The following PATJ variants were observed in gnomAD, a reference collection of about 807,000 sequenced individuals.
PATJ encodes PATJ crumbs cell polarity complex component.
PATJ carries 190 observed loss-of-function variants against 224.9 expected under a neutral mutation model. The ratio of observed to expected loss-of-function variants is 0.84; its 90% CI spans 0.75 to 0.95. The LOEUF (loss-of-function observed/expected upper bound fraction) is 0.95. PATJ is among the 40% of genes least tolerant of loss of function. The probability of loss-of-function intolerance (pLI) is 0.00; values close to 1 mark genes in which losing one functional copy is unlikely to be tolerated. For missense variants in PATJ, 2,121 were observed against 2,270.3 expected (o/e 0.93, Z 1.34); for synonymous variants, 769 against 820.3 (o/e 0.94, Z 1.07).
At chr1:61,748,330 C>T (rs1470876724) in intron 1 of PATJ, among the ~76,000 whole-genome samples, 4 of 136,894 alleles carry the variant, frequency 2.9e-5, no homozygotes, top group African/African-American at 1.1e-4. Context: ...TCTCCGCTCA[C>T]TCCAACCTCT....
intron 27 of PATJ, among the ~76,000 whole-genome samples, chr1:61,963,250 A>G (rs1002869658): frequency 6.6e-6 from 1 of 152,198 alleles, no homozygotes; most frequent in Non-Finnish European, 1.5e-5. Context: ...CGTATTTTGT[A>G]TATGTGTTAT....
chr1:61,875,220 T>C (rs1667191757), intron 20 of PATJ, 23 bp from the exon 21 acceptor site: 4 of 1,506,618 alleles, frequency 2.7e-6, no homozygotes, highest in Non-Finnish European at 3.7e-6. Context: ...TACTAATGCA[T>C]TTCTATTTTT....
chr1:62,107,291 G>T (rs1464252339), intron 33 of PATJ, among the ~76,000 whole-genome samples: 11 of 149,788 alleles, frequency 7.3e-5, no homozygotes, highest in Non-Finnish European at 1.5e-4. Flanking sequence ...GGGCGACAGA[G>T]TGAGAGTCCA....
chr1:62,042,651 T>A (rs1651735191), intron 30 of PATJ, among the ~76,000 whole-genome samples: 1 of 151,728 alleles, frequency 6.6e-6, no homozygotes, highest in Non-Finnish European at 1.5e-5. Context: ...TATTGAGCTA[T>A]TTTTTTAAAA....
intron 14 of PATJ, among the ~76,000 whole-genome samples, chr1:61,814,890 A>G (rs1655789769): frequency 6.6e-6 from 1 of 152,188 alleles, no homozygotes; most frequent in Non-Finnish European, 1.5e-5. Flanking sequence ...GTAGCTTAGA[A>G]TGCATTCATC....
At chr1:61,859,744 C>T (rs892933732) in intron 18 of PATJ, among the ~76,000 whole-genome samples, 6 of 152,086 alleles carry the variant, frequency 3.9e-5, no homozygotes, top group South Asian at 2.1e-4. Flanking sequence ...CTCAGCCTCC[C>T]GAGTAGCTGA....
intron 28 of PATJ, among the ~76,000 whole-genome samples, chr1:62,003,581 C>T (rs1645917613): frequency 6.6e-6 from 1 of 152,218 alleles, no homozygotes; most frequent in Admixed American, 6.5e-5. Context: ...AAACTGAGTC[C>T]TTGAAACCTG....
intron 41 of PATJ, among the ~76,000 whole-genome samples, chr1:62,147,887 C>T (rs919867616): frequency 3.3e-5 from 5 of 151,482 alleles, no homozygotes; most frequent in Non-Finnish European, 4.4e-5. Context: ...CATTTGAACC[C>T]GGGAGGCAGA....
At chr1:61,959,425 A>ATATATATTTT (rs1557944860) in intron 27 of PATJ, among the ~76,000 whole-genome samples, 1 of 61,152 alleles carries the variant, frequency 1.6e-5, no homozygotes, top group African/African-American at 6.7e-5. Flanking sequence ...TATATAATAT[A>ATATATATTTT]TTTTTTTTCT....
At chr1:61,764,871 A>G (rs1328136600) in intron 3 of PATJ, among the ~76,000 whole-genome samples, 2 of 152,084 alleles carry the variant, frequency 1.3e-5, no homozygotes, top group Non-Finnish European at 2.9e-5. Context: ...GTAGCAACTG[A>G]AATTGGCAAA....
intron 27 of PATJ, among the ~76,000 whole-genome samples, chr1:61,986,355 G>A (rs902444020): frequency 4.6e-5 from 7 of 152,000 alleles, no homozygotes; most frequent in Admixed American, 2.6e-4. Context: ...GTTGATGTAC[G>A]GTCCATAATT....
At chr1:61,833,866 C>A in intron 17 of PATJ, 81 bp downstream of exon 17, 1 of 1,310,074 alleles carries the variant, frequency 7.6e-7, no homozygotes, top group Non-Finnish European at 1.0e-6. Context: ...TTGTTTAAGA[C>A]CCCTATTGAC....
At chr1:61,802,050 T>C (rs1471941967) in intron 12 of PATJ, among the ~76,000 whole-genome samples, 3 of 152,052 alleles carry the variant, frequency 2.0e-5, no homozygotes, top group African/African-American at 7.2e-5. Flanking sequence ...ACTCATCATT[T>C]ACATTAGGTA....
intron 17 of PATJ, among the ~76,000 whole-genome samples, chr1:61,838,521 ATT>A (rs34877280): frequency 1.0e-4 from 12 of 115,548 alleles, no homozygotes; most frequent in East Asian, 2.3e-4. Context: ...CGCCTGGCTA[ATT>A]TTTTTTTTTT....
rs1372747156 is a variant in PATJ at position 62,106,156 on chromosome 1, G to GTATATATATATATATATATATATATA, written c.4378-2280_4378-2279insATATATATATATATATATATATATAT. ...TATACATGTGTATATGTGTGTGTGT[G>GTATATATATATATATATATATATATA]TGTATATATATATATATATATATAT... On this transcript the variant is annotated intron_variant, in intron 33 of 43. Coordinates refer to ENST00000642238, the MANE Select transcript of PATJ (RefSeq NM_001350145.3). Among the ~76,000 whole-genome samples, 39 of 54,866 alleles carry GTATATATATATATATATATATATATA rather than the reference G, an allele frequency of 7.1e-4. 4 individuals carry two copies. The highest frequency in any genetic ancestry group is 2.5e-3 in the South Asian group (3 of 1,214). 36.0% of individuals were successfully genotyped at this position (54,866 alleles called of 152,430 possible).
chr1:62,098,970 A>G (rs1224780146), intron 33 of PATJ, among the ~76,000 whole-genome samples: 2 of 152,182 alleles, frequency 1.3e-5, no homozygotes, highest in Non-Finnish European at 2.9e-5. Flanking sequence ...AATATACTTT[A>G]AAAGTTTTAA....
In PATJ at chr1:62,099,347, C is replaced by CTTTTTTT. The variant is rs71050197; in HGVS notation, c.4378-9066_4378-9060dup. Among the ~76,000 whole-genome samples, 51 of 55,676 alleles carry CTTTTTTT rather than the reference C, an allele frequency of 9.2e-4. 3 individuals carry two copies. The highest frequency in any genetic ancestry group is 3.6e-3 in the African/African-American group (46 of 12,842). The allele number at this position is 55,676 out of a possible 152,430, so 36.5% of individuals were successfully genotyped here. On this transcript the variant is annotated intron_variant, in intron 33 of 43. Transcript: ENST00000642238. The stretch of plus-strand genomic sequence containing the variant: ...ATTTTTTTGTATACAATATCTCCAA[C>CTTTTTTT]TTTTTTTTTTTTTTTTTTTTTTTTT...
At chr1:62,115,759 T>A (rs1197207323) in intron 35 of PATJ, among the ~76,000 whole-genome samples, 1 of 151,592 alleles carries the variant, frequency 6.6e-6, no homozygotes, top group Non-Finnish European at 1.5e-5. Context: ...CTCACAGACC[T>A]CTGGTGACTA....
Position 61,769,434 on chromosome 1 carries a change from G to C in PATJ, c.524+12G>C. The C allele has an allele frequency of 6.2e-7, 1 of 1,603,582 alleles. No homozygotes were observed. Among genetic ancestry groups the C allele is most frequent in the Non-Finnish European group, 8.5e-7 (1 of 1,177,076 alleles). ...AGTGTAGCAGACAGGTGAGGAAGCTGTTTATTTTCATTTTGCTAATTGTTT... is the reference window on the plus strand; with the variant it reads ...AGTGTAGCAGACAGGTGAGGAAGCTCTTTATTTTCATTTTGCTAATTGTTT... On this transcript the variant is annotated intron_variant, in intron 5 of 43. Coordinates refer to ENST00000642238, the MANE Select transcript of PATJ (RefSeq NM_001350145.3).
Sources: allele counts gnomAD v4.1 joint callset (sites outside exome capture counted in the v4.1 genomes callset), GRCh38; gene constraint gnomAD v4.1.1; transcripts MANE v1.5; gene names NCBI Gene and HGNC (gene_info 2026-07-23, HGNC 2026-07-21).